The following ABCC4 variants were observed in gnomAD, a reference collection of about 807,000 sequenced individuals.
ABCC4 encodes the protein ATP-binding cassette sub-family C member 4.
In ABCC4, 102 loss-of-function variants were observed where a neutral mutation model predicts 168.5. That is an observed-to-expected ratio of 0.61 (90% CI 0.52 to 0.71). ABCC4 has a LOEUF of 0.71. ABCC4 is among the 30% of genes least tolerant of loss of function. The pLI is 0.00. For missense variants in ABCC4, 1,402 were observed against 1,605.8 expected, an observed-to-expected ratio of 0.87 and a Z score of 2.17; for synonymous variants, 617 against 590.7, an observed-to-expected ratio of 1.04 and a Z score of -0.65.
At chr13:95,122,583 C>T (rs747004671) in intron 19 of ABCC4, among the ~76,000 whole-genome samples, 1 of 152,126 alleles carries the variant, frequency 6.6e-6, no homozygotes, top group South Asian at 2.1e-4. Context: ...TCCTAACCTC[C>T]CCTCCATTCC....
chr13:95,276,933 C>T (rs1241886687), intron 1 of ABCC4, among the ~76,000 whole-genome samples: 2 of 152,112 alleles, frequency 1.3e-5, no homozygotes, highest in Admixed American at 6.6e-5. Context: ...GCAGGAGAAT[C>T]GCTTGAATCC....
chr13:95,229,826 G>A (rs2039569768), intron 4 of ABCC4, among the ~76,000 whole-genome samples: 1 of 152,162 alleles, frequency 6.6e-6, no homozygotes, highest in Non-Finnish European at 1.5e-5. Context: ...GGCTGGGGCT[G>A]AAGATCTTCA....
intron 13 of ABCC4, among the ~76,000 whole-genome samples, chr13:95,177,466 TC>T (rs1400565061): frequency 6.6e-6 from 1 of 152,136 alleles, no homozygotes. Flanking sequence ...GTTTCTCAAC[TC>T]CCTAAAACAT....
At chr13:95,079,005 T>C (rs756173440) in intron 21 of ABCC4, among the ~76,000 whole-genome samples, 2 of 152,202 alleles carry the variant, frequency 1.3e-5, no homozygotes, top group Non-Finnish European at 2.9e-5. Flanking sequence ...GGGAATATCA[T>C]GAAGATCAAG....
intron 1 of ABCC4, among the ~76,000 whole-genome samples, chr13:95,287,206 G>A (rs1414657998): frequency 1.3e-5 from 2 of 151,922 alleles, no homozygotes; most frequent in African/African-American, 4.8e-5. Flanking sequence ...GCTGAGGCAT[G>A]AGAATCACTT....
chr13:95,185,952 C>A (rs1452011684), intron 11 of ABCC4, among the ~76,000 whole-genome samples: 1 of 151,922 alleles, frequency 6.6e-6, no homozygotes, highest in South Asian at 2.1e-4. Context: ...ACCACCCGTA[C>A]CCCAAAATCT....
At chr13:95,269,424 T>TAAAAA in intron 1 of ABCC4, 1 of 99,076 alleles carries the variant, frequency 1.0e-5, no homozygotes, top group Non-Finnish European at 2.1e-5. Flanking sequence ...AGACTCCATC[T>TAAAAA]CAAAAAAAAA....
intron 20 of ABCC4, among the ~76,000 whole-genome samples, chr13:95,090,186 T>C (rs1751055): frequency 0.95 from 144,914 of 152,198 alleles, 69,124 homozygotes; most frequent in African/African-American, 0.98. Context: ...CCCTACGCAC[T>C]GTGGTAGTGG....
Position 95,021,656 on chromosome 13 carries a change from A to G in ABCC4, c.3897T>C (p.His1299=). The part of the protein sequence containing the change: ...KQVYFKRNYP[H]IGHTDHMVTN... ...TAACCATGTGGTCAGTGTGACCAAT[A>G]TGTGGATAATTTCTTTTGAAGTATA... The change falls in exon 31 of 31, where the codon CAT becomes CAC. Residue 1299 remains histidine, a synonymous_variant. Coordinates refer to ENST00000645237, the MANE Select transcript of ABCC4 (RefSeq NM_005845.5). 1 of 1,610,022 alleles carries G rather than the reference A, an allele frequency of 6.2e-7. No individual in the cohort carries two copies. The highest frequency in any genetic ancestry group is 8.5e-7 in the Non-Finnish European group (1 of 1,176,856).
chr13:95,233,879 T>C (rs1042578354), intron 4 of ABCC4, among the ~76,000 whole-genome samples: 1 of 152,148 alleles, frequency 6.6e-6, no homozygotes, highest in Non-Finnish European at 1.5e-5. Flanking sequence ...AGAAACACTA[T>C]AAGTTCTCTC....
intron 30 of ABCC4, among the ~76,000 whole-genome samples, chr13:95,025,268 CACCCCCACACACACCCCCA>C (rs2031409704): frequency 1.9e-5 from 1 of 52,560 alleles, no homozygotes; most frequent in Non-Finnish European, 3.6e-5. Flanking sequence ...CACACCCCCA[CACCCCCACACACACCCCCA>C]CACACACCCA....
rs554884258 is a variant in ABCC4, at chr13:95,159,093, T to TTATATATATATATATATA, written c.2455+2078_2455+2095dup. ...ATGAGACCTTATTTCTAAATAAATT[T>TTATATATATATATATATA]TATATATATATATATATATATATAT... On this transcript the variant is annotated intron_variant, in intron 19 of 30. Coordinates refer to ENST00000645237, the MANE Select transcript of ABCC4 (RefSeq NM_005845.5). Among the ~76,000 whole-genome samples, 71 of 61,010 alleles carry TTATATATATATATATATA rather than the reference T, an allele frequency of 1.2e-3. 2 individuals carry two copies. Among genetic ancestry groups the TTATATATATATATATATA allele is most frequent in the Non-Finnish European group, 1.9e-3 (54 of 28,508 alleles). The allele number at this position is 61,010 out of a possible 152,430, so 40.0% of individuals were successfully genotyped here. A position where few individuals can be genotyped will look rare whatever the true frequency, so the allele number is the denominator to read the frequency against.
intron 19 of ABCC4, among the ~76,000 whole-genome samples, chr13:95,129,048 T>C (rs1436117391): frequency 2.0e-5 from 3 of 152,224 alleles, no homozygotes; most frequent in Non-Finnish European, 4.4e-5. Context: ...TTTAAAAGCA[T>C]GATTTTGGCA....
At chr13:95,188,706 A>G (rs561442358) in intron 9 of ABCC4, among the ~76,000 whole-genome samples, 164 bp from the exon 10 acceptor site, 3 of 152,282 alleles carry the variant, frequency 2.0e-5, no homozygotes, top group East Asian at 3.9e-4. Context: ...TCATACAATC[A>G]TATTTTTTTG....
chr13:95,029,148 A>G (rs2031685451), intron 30 of ABCC4, among the ~76,000 whole-genome samples: 1 of 144,794 alleles, frequency 6.9e-6, no homozygotes. Flanking sequence ...ACAGGAGTGA[A>G]ACTGCTTTAA....
intron 1 of ABCC4, among the ~76,000 whole-genome samples, chr13:95,264,116 TAATA>T (rs999223663): frequency 2.2e-4 from 33 of 152,224 alleles, no homozygotes; most frequent in African/African-American, 7.5e-4. Context: ...GATTCAAATC[TAATA>T]AATAAAATTA....
chr13:95,182,399 G>T (rs1000133560), intron 11 of ABCC4, among the ~76,000 whole-genome samples: 3 of 152,134 alleles, frequency 2.0e-5, no homozygotes, highest in African/African-American at 7.2e-5. Flanking sequence ...ACTATGCAAA[G>T]GGTGACATAA....
At chr13:95,135,917 A>T (rs2036130377) in intron 19 of ABCC4, among the ~76,000 whole-genome samples, 1 of 152,206 alleles carries the variant, frequency 6.6e-6, no homozygotes, top group Non-Finnish European at 1.5e-5. Flanking sequence ...AACTATAGAA[A>T]TATTATTTTA....
chr13:95,085,318 T>C (rs2034222121), intron 20 of ABCC4, among the ~76,000 whole-genome samples: 1 of 151,362 alleles, frequency 6.6e-6, no homozygotes, highest in Non-Finnish European at 1.5e-5. Flanking sequence ...CGCATATTTG[T>C]AACCCCAGCT....
Sources: gnomAD v4.1 joint callset for allele counts (sites outside exome capture counted in the v4.1 genomes callset) on GRCh38, gnomAD v4.1.1 for gene constraint, MANE v1.5 for transcripts, NCBI Gene and HGNC (gene_info 2026-07-23, HGNC 2026-07-21) for gene names.